The following NBEA variants were observed in gnomAD, a reference collection of about 807,000 sequenced individuals.
NBEA encodes the protein neurobeachin, also known as lysosomal-trafficking regulator 2.
In NBEA, 44 loss-of-function variants were observed where a neutral mutation model predicts 343.4. That is an observed-to-expected ratio of 0.13 (90% CI 0.10 to 0.16). The LOEUF is 0.16. NBEA is among the 10% of genes least tolerant of loss of function. The probability of loss-of-function intolerance (pLI) is 1.00; values close to 1 mark genes in which losing one functional copy is unlikely to be tolerated. For synonymous variants in NBEA, 1,175 were observed against 1,238.7 expected (o/e 0.95, Z 1.08); for missense variants, 2,555 against 3,631.3 (o/e 0.70, Z 7.62).
At chr13:35,246,042 T>C (rs1340139223) in intron 34 of NBEA, among the ~76,000 whole-genome samples, 52 of 152,204 alleles carry the variant, frequency 3.4e-4, no homozygotes, top group Admixed American at 3.4e-3. Context: ...ATCTTCAAGC[T>C]CTAAATTTGT....
At chr13:35,236,616 A>AT (rs553566793) in intron 34 of NBEA, among the ~76,000 whole-genome samples, 3,586 of 138,622 alleles carry the variant, frequency 0.026, 67 homozygotes, top group African/African-American at 0.059. Flanking sequence ...CCAGATATAT[A>AT]TTTTTTTTTT....
chr13:34,950,740 A>G (rs1032327663), intron 1 of NBEA, among the ~76,000 whole-genome samples: 1 of 152,098 alleles, frequency 6.6e-6, no homozygotes, highest in African/African-American at 2.4e-5. Context: ...AAAAATACTC[A>G]CTTTGGCTAA....
At chr13:35,160,114 C>G in intron 22 of NBEA, 82 bp downstream of exon 22, 1 of 1,227,210 alleles carries the variant, frequency 8.1e-7, no homozygotes, top group Non-Finnish European at 1.1e-6. Flanking sequence ...AATTTCTTAT[C>G]AGTTACTTCA....
At chr13:35,393,131 T>A (rs948754249) in intron 38 of NBEA, among the ~76,000 whole-genome samples, 12 of 152,170 alleles carry the variant, frequency 7.9e-5, no homozygotes, top group African/African-American at 2.9e-4. Context: ...ATATAATTTG[T>A]CCAGTTACCC....
In NBEA at chr13:35,253,491, A is replaced by G. The variant is rs908480372; in HGVS notation, c.5776+20872A>G. On this transcript the variant is annotated intron_variant, in intron 34 of 58. Transcript: ENST00000379939. ...AAACGAGAATTGTGTGGCTTGCTTT[A>G]TCGTGATACTTGCTTCATTACAGTG... 4.6e-5 allele frequency among the ~76,000 whole-genome samples: 7 copies of G among 152,346 alleles called. 1 individual carries two copies. The highest frequency in any genetic ancestry group is 2.0e-4 in the Admixed American group (3 of 15,304).
At chr13:35,417,141 G>C (rs1475417511) in intron 38 of NBEA, among the ~76,000 whole-genome samples, 1 of 151,682 alleles carries the variant, frequency 6.6e-6, no homozygotes, top group South Asian at 2.1e-4. Flanking sequence ...TTCTTTATTA[G>C]TCTTGCTAGC....
At chr13:35,143,779 G>A (rs751344202) in intron 18 of NBEA, among the ~76,000 whole-genome samples, 1 of 151,980 alleles carries the variant, frequency 6.6e-6, no homozygotes, top group African/African-American at 2.4e-5. Flanking sequence ...TGAGGCAGGA[G>A]GACTGCTTGA....
intron 33 of NBEA, among the ~76,000 whole-genome samples, chr13:35,222,934 C>T (rs1374038485): frequency 6.6e-6 from 1 of 152,064 alleles, no homozygotes; most frequent in Non-Finnish European, 1.5e-5. Flanking sequence ...TTTGAGAGTA[C>T]TAGCCTGGCC....
chr13:35,103,714 G>C (rs941208866), intron 11 of NBEA, among the ~76,000 whole-genome samples: 9 of 151,308 alleles, frequency 5.9e-5, no homozygotes, highest in Non-Finnish European at 4.4e-5. Context: ...ATCTTATTTA[G>C]TGGCATTACT....
At chr13:35,141,432 A>G (rs2068086637) in intron 17 of NBEA, among the ~76,000 whole-genome samples, 1 of 152,016 alleles carries the variant, frequency 6.6e-6, no homozygotes, top group Admixed American at 6.6e-5. Flanking sequence ...ACGCCCAGCT[A>G]ATTTTTGTAT....
intron 41 of NBEA, among the ~76,000 whole-genome samples, chr13:35,518,576 C>T (rs1367649351): frequency 6.6e-6 from 1 of 152,152 alleles, no homozygotes; most frequent in Non-Finnish European, 1.5e-5. Flanking sequence ...CTAGAGGAGG[C>T]AGGGAACATT....
chr13:35,646,237 A>G (rs762639230), intron 50 of NBEA, 22 bp from the exon 51 acceptor site: 9 of 1,566,734 alleles, frequency 5.7e-6, no homozygotes, highest in Middle Eastern at 3.3e-4. Context: ...TGATTATGAC[A>G]ATCACCCTCC....
intron 1 of NBEA, among the ~76,000 whole-genome samples, chr13:34,963,275 G>A (rs927923963): frequency 1.9e-4 from 29 of 151,960 alleles, no homozygotes; most frequent in African/African-American, 6.8e-4. Flanking sequence ...GCAGATGGCC[G>A]TCTTTTCCCT....
chr13:35,426,215 G>A (rs867543171), intron 38 of NBEA, among the ~76,000 whole-genome samples: 13 of 152,102 alleles, frequency 8.5e-5, no homozygotes, highest in Non-Finnish European at 1.0e-4. Flanking sequence ...TATTTTGCTC[G>A]TTAGTTGATG....
chr13:35,336,921 T>G (rs908111133), intron 36 of NBEA, among the ~76,000 whole-genome samples: 15 of 151,982 alleles, frequency 9.9e-5, no homozygotes, highest in African/African-American at 3.1e-4. Context: ...TCGGCTACAG[T>G]GCTTATTACT....
intron 41 of NBEA, among the ~76,000 whole-genome samples, chr13:35,533,943 T>C (rs755090489): frequency 5.3e-5 from 8 of 152,222 alleles, no homozygotes; most frequent in Non-Finnish European, 1.2e-4. Flanking sequence ...GGTTTATTTA[T>C]GTTATCAGTG....
intron 35 of NBEA, among the ~76,000 whole-genome samples, chr13:35,291,749 A>G (rs942864741): frequency 3.9e-5 from 6 of 151,974 alleles, no homozygotes; most frequent in African/African-American, 1.4e-4. Flanking sequence ...TGGCCTCATC[A>G]TCTAATCATA....
intron 13 of NBEA, among the ~76,000 whole-genome samples, chr13:35,114,086 T>C (rs1393851466): frequency 3.3e-5 from 5 of 152,186 alleles, no homozygotes; most frequent in African/African-American, 9.6e-5. Context: ...GTTTGTTTGG[T>C]GGATATGGTT....
intron 38 of NBEA, among the ~76,000 whole-genome samples, chr13:35,393,181 C>T (rs997143808): frequency 6.6e-6 from 1 of 152,008 alleles, no homozygotes; most frequent in African/African-American, 2.4e-5. Context: ...TATTTTTCCC[C>T]GTACAACACC....
Sources: gnomAD v4.1 joint callset for allele counts (sites outside exome capture counted in the v4.1 genomes callset) on GRCh38, gnomAD v4.1.1 for gene constraint, MANE v1.5 for transcripts, NCBI Gene and HGNC (gene_info 2026-07-23, HGNC 2026-07-21) for gene names.